The following ABCA13 variants were observed in gnomAD, a reference collection of about 807,000 sequenced individuals.
ABCA13 encodes ATP binding cassette subfamily A member 13, also known as ATP-binding cassette sub-family A member 13.
In ABCA13, 476 loss-of-function variants were observed where a neutral mutation model predicts 478.7. The observed-to-expected ratio is 0.99, with a 90% CI of 0.92 to 1.07. The LOEUF (loss-of-function observed/expected upper bound fraction) is 1.07. ABCA13 is among the 50% of genes least tolerant of loss of function. The probability of loss-of-function intolerance (pLI) is 0.00; values close to 1 mark genes in which losing one functional copy is unlikely to be tolerated. For synonymous variants in ABCA13, 2,252 were observed against 2,158.9 expected (o/e 1.04, Z -1.20); for missense variants, 6,060 against 5,910.6 (o/e 1.03, Z -0.83).
intron 4 of ABCA13, among the ~76,000 whole-genome samples, chr7:48,220,968 C>T (rs1489009506): frequency 6.6e-6 from 1 of 151,930 alleles, no homozygotes; most frequent in African/African-American, 2.4e-5. Flanking sequence ...TCCCTCTCTC[C>T]TATCCTGAAT....
At chr7:48,403,635 A>T (rs1390257157) in intron 38 of ABCA13, 48 bp from the exon 39 acceptor site, 1 of 1,566,518 alleles carries the variant, frequency 6.4e-7, no homozygotes. Flanking sequence ...TTAGAAGCAA[A>T]GTTTTAAGGT....
chr7:48,310,338 G>C (rs1801585397), intron 24 of ABCA13, among the ~76,000 whole-genome samples, 197 bp downstream of exon 24: 2 of 152,182 alleles, frequency 1.3e-5, no homozygotes, highest in Admixed American at 1.3e-4. Flanking sequence ...GTAATAAAGG[G>C]ATGTTCAGGA....
chr7:48,388,933 A>G, intron 36 of ABCA13, 107 bp from the exon 37 acceptor site: 1 of 1,312,160 alleles, frequency 7.6e-7, no homozygotes, highest in South Asian at 1.3e-5. Context: ...TGTGTGCTTC[A>G]CAGAGCTGGA....
intron 55 of ABCA13, among the ~76,000 whole-genome samples, chr7:48,538,954 CTGATGA>C (rs1472032461): frequency 1.3e-5 from 2 of 152,176 alleles, no homozygotes; most frequent in African/African-American, 4.8e-5. Context: ...TGACTGCATA[CTGATGA>C]TGGAATTTAA....
intron 45 of ABCA13, among the ~76,000 whole-genome samples, chr7:48,474,464 T>C (rs1827860487): frequency 6.6e-6 from 1 of 152,202 alleles, no homozygotes; most frequent in Non-Finnish European, 1.5e-5. Context: ...CATTATCTTG[T>C]GAAAAAGTCC....
rs1405086683 is a variant in ABCA13, at chr7:48,359,202, G to T, written c.10688+6715G>T. Among the ~76,000 whole-genome samples, 3 of 151,918 alleles carry T rather than the reference G, an allele frequency of 2.0e-5. No individual in the cohort carries two copies. In the South Asian group the frequency reaches 6.2e-4, roughly 31 times the overall value. Reference sequence around the variant, plus strand: ...AGGGGCAACGCCAGGCACTGTGAATGGGTGGGATGCTCTGAGTGGCAGCCC... The same window carrying T: ...AGGGGCAACGCCAGGCACTGTGAATTGGTGGGATGCTCTGAGTGGCAGCCC... On this transcript the variant is annotated intron_variant, in intron 31 of 61. Transcript: ENST00000435803.
intron 35 of ABCA13, among the ~76,000 whole-genome samples, chr7:48,384,116 T>C (rs1385629423): frequency 6.6e-6 from 1 of 152,214 alleles, no homozygotes; most frequent in African/African-American, 2.4e-5. Context: ...CTGGATCCCA[T>C]TGCCTACTAT....
intron 20 of ABCA13, among the ~76,000 whole-genome samples, chr7:48,291,675 G>A (rs1231817796): frequency 2.0e-5 from 3 of 152,056 alleles, no homozygotes; most frequent in Non-Finnish European, 2.9e-5. Context: ...AGGCATGCCC[G>A]GGTTATGTGA....
Position 48,481,387 on chromosome 7 carries a change from T to A in ABCA13, c.13094+233T>A, listed in dbSNP as rs186098980. ...TTTCTAATATTTAAATATAATAAAG[T>A]CTAATTGAATACAAAAACAAACAAA... On this transcript the variant is annotated intron_variant, in intron 46 of 61. Coordinates refer to ENST00000435803, the MANE Select transcript of ABCA13 (RefSeq NM_152701.5). Among the ~76,000 whole-genome samples the A allele has an allele frequency of 4.6e-5, 7 of 152,268 alleles. No individual in the cohort carries two copies. In the South Asian group the frequency reaches 1.5e-3, roughly 32 times the overall value.
At chr7:48,425,753 ATTTT>A (rs35060480) in intron 41 of ABCA13, among the ~76,000 whole-genome samples, 17,424 of 151,508 alleles carry the variant, frequency 0.12, 1,195 homozygotes, top group Admixed American at 0.16. Context: ...TTATTTATTT[ATTTT>A]TTCGAGATGG....
intron 15 of ABCA13, among the ~76,000 whole-genome samples, chr7:48,260,989 T>C (rs979730858): frequency 6.6e-6 from 1 of 151,972 alleles, no homozygotes; most frequent in African/African-American, 2.4e-5. Context: ...TTGTATGTCT[T>C]AAAATGTCTT....
chr7:48,427,842 A>C lies in ABCA13; in HGVS notation c.12536A>C (p.His4179Pro). 1 of 1,609,028 alleles carries C rather than the reference A, an allele frequency of 6.2e-7. No individual in the cohort carries two copies. ...GGGACTGAGTCAGAGCTGCAGAACC[A>C]CAGGCCTACAGGACATCTGTCTGGC... The part of the protein sequence containing the change: ...ALGTESELQN[H>P]RPTGHLSGYC... Residue 4179 changes from histidine to proline, a missense_variant, in exon 42 of 62, where the codon CAC becomes CCC. Coordinates refer to ENST00000435803, the MANE Select transcript of ABCA13 (RefSeq NM_152701.5).
chr7:48,171,688 A>G (rs762090169), intron 1 of ABCA13, 136 bp downstream of exon 1: 2 of 983,822 alleles, frequency 2.0e-6, no homozygotes, highest in Non-Finnish European at 3.0e-6. Flanking sequence ...AGGTTGGATT[A>G]TTTTAAATCA....
chr7:48,453,923 A>G (rs1409933986), intron 42 of ABCA13, among the ~76,000 whole-genome samples: 1 of 152,206 alleles, frequency 6.6e-6, no homozygotes, highest in African/African-American at 2.4e-5. Context: ...TTTTATCCCC[A>G]TGACCCCTCT....
intron 59 of ABCA13, 142 bp downstream of exon 59, chr7:48,615,519 T>A: frequency 3.1e-6 from 2 of 643,260 alleles, no homozygotes; most frequent in East Asian, 3.2e-5. Context: ...TCTGAGGGGA[T>A]AAAATACTGT....
At chr7:48,227,212 A>T (rs759546574) in intron 5 of ABCA13, 50 bp from the exon 6 acceptor site, 87 of 1,600,248 alleles carry the variant, frequency 5.4e-5, no homozygotes, top group Non-Finnish European at 7.1e-5. Context: ...CATTTACTTT[A>T]TTAATAAAAC....
intron 59 of ABCA13, among the ~76,000 whole-genome samples, chr7:48,616,050 T>A (rs1792539691): frequency 6.9e-6 from 1 of 145,314 alleles, no homozygotes; most frequent in Non-Finnish European, 1.5e-5. Context: ...CACGTCCAAT[T>A]TTCCTTTGAT....
intron 35 of ABCA13, among the ~76,000 whole-genome samples, chr7:48,379,281 G>T (rs1813973307): frequency 1.3e-5 from 2 of 152,014 alleles, no homozygotes; most frequent in Non-Finnish European, 2.9e-5. Flanking sequence ...TAATAACAAA[G>T]AATATAATTG....
At chr7:48,316,531 G>A (rs1447882558) in intron 26 of ABCA13, among the ~76,000 whole-genome samples, 1 of 152,140 alleles carries the variant, frequency 6.6e-6, no homozygotes, top group Non-Finnish European at 1.5e-5. Context: ...TGAGTTGAGA[G>A]CTGCTGAAAA....
Sources: gnomAD v4.1 joint callset for allele counts (sites outside exome capture counted in the v4.1 genomes callset) on GRCh38, gnomAD v4.1.1 for gene constraint, MANE v1.5 for transcripts, NCBI Gene and HGNC (gene_info 2026-07-23, HGNC 2026-07-21) for gene names.